NRG1: variants seen among roughly 807,000 people sequenced by gnomAD.
NRG1 encodes the protein neuregulin 1.
Under a neutral mutation model 63.8 loss-of-function variants are expected in NRG1, and 18 were observed. The observed-to-expected ratio is 0.28, with a 90% confidence interval of 0.19 to 0.42. NRG1 has a LOEUF of 0.42. Ranked by LOEUF, NRG1 falls within the 10% of genes least tolerant of loss-of-function variation. NRG1 has a pLI of 1.00. For synonymous variants in NRG1, 302 were observed against 301.3 expected (o/e 1.00, Z -0.02); for missense variants, 762 against 814.7 (o/e 0.94, Z 0.79).
chr8:32,733,205 G>A (rs746778029), intron 6 of NRG1, among the ~76,000 whole-genome samples: 6 of 152,038 alleles, frequency 3.9e-5, no homozygotes, highest in Non-Finnish European at 7.4e-5. Flanking sequence ...TTGACAGATC[G>A]TTTAATATTT....
chr8:32,074,565 A>T (rs1185667125), intron 1 of NRG1, among the ~76,000 whole-genome samples: 7 of 152,132 alleles, frequency 4.6e-5, no homozygotes, highest in Admixed American at 4.6e-4. Flanking sequence ...GTTCCTCAAG[A>T]TTCTTAGGGC....
intron 1 of NRG1, among the ~76,000 whole-genome samples, chr8:31,822,954 G>A (rs1006525713): frequency 1.3e-5 from 2 of 152,050 alleles, no homozygotes; most frequent in African/African-American, 4.8e-5. Context: ...ACAAATATTA[G>A]CTCTGACATT....
rs1277165244 is a variant in NRG1 at position 32,082,678 on chromosome 8, C to A, written c.37+443247C>A. 3.9e-5 allele frequency among the ~76,000 whole-genome samples: 6 copies of A among 152,092 alleles called. No individual in the cohort carries two copies. In the East Asian group the frequency reaches 1.2e-3, roughly 29 times the overall value. On this transcript the variant is annotated intron_variant, in intron 1 of 10. Coordinates refer to the NRG1 transcript ENST00000519301. ...TGGCAAGAACATTGCTGCTACCTGA[C>A]CTCATAGACATGCATTTGAACTCCT...
intron 5 of NRG1, among the ~76,000 whole-genome samples, chr8:32,723,036 CTT>C (rs1226317187): frequency 1.3e-5 from 2 of 152,044 alleles, no homozygotes; most frequent in African/African-American, 4.8e-5. Flanking sequence ...GGCAGAATTT[CTT>C]TTTTTACTTT....
At chr8:32,494,051 G>T (rs1378018152) in intron 1 of NRG1, among the ~76,000 whole-genome samples, 1 of 151,994 alleles carries the variant, frequency 6.6e-6, no homozygotes, top group Non-Finnish European at 1.5e-5. Context: ...TTGCTTGTTT[G>T]TTTGTAACAA....
intron 7 of NRG1, among the ~76,000 whole-genome samples, chr8:32,773,547 A>T (rs949966137): frequency 6.6e-6 from 1 of 152,120 alleles, no homozygotes; most frequent in African/African-American, 2.4e-5. Context: ...CTCCCTCCAC[A>T]TCTAATTGGT....
chr8:32,350,370 C>T (rs1209672280), intron 1 of NRG1, among the ~76,000 whole-genome samples: 1 of 152,136 alleles, frequency 6.6e-6, no homozygotes, highest in Non-Finnish European at 1.5e-5. Context: ...TCTATAAGTT[C>T]ATAATTCCTG....
chr8:32,095,336 C>CA (rs974764852), intron 1 of NRG1, among the ~76,000 whole-genome samples: 2 of 152,158 alleles, frequency 1.3e-5, no homozygotes, highest in Admixed American at 6.6e-5. Context: ...ATCATCTCGT[C>CA]AAGCAGAGTT....
intron 5 of NRG1, among the ~76,000 whole-genome samples, chr8:32,640,260 C>CACACACACAG (rs1852090992): frequency 6.6e-6 from 1 of 151,746 alleles, no homozygotes; most frequent in Non-Finnish European, 1.5e-5. Flanking sequence ...CACACACACA[C>CACACACACAG]ACACACACAC....
chr8:31,969,067 A>T (rs1806853264), intron 1 of NRG1, among the ~76,000 whole-genome samples: 1 of 152,214 alleles, frequency 6.6e-6, no homozygotes, highest in South Asian at 2.1e-4. Flanking sequence ...AGTTGATTGC[A>T]GCCCTTTATA....
chr8:32,626,740 G>A (rs1371662925), intron 5 of NRG1, among the ~76,000 whole-genome samples: 1 of 151,816 alleles, frequency 6.6e-6, no homozygotes, highest in African/African-American at 2.4e-5. Flanking sequence ...GAAAATTTTG[G>A]CCAGGTGTGG....
chr8:32,577,242 T>G (rs535528566), intron 1 of NRG1, among the ~76,000 whole-genome samples: 2 of 152,310 alleles, frequency 1.3e-5, no homozygotes, highest in East Asian at 3.9e-4. Flanking sequence ...CCTAGGTTGA[T>G]TCCATGTAAA....
At chr8:32,103,097 C>T (rs1435573650) in intron 1 of NRG1, among the ~76,000 whole-genome samples, 1 of 152,100 alleles carries the variant, frequency 6.6e-6, no homozygotes. Context: ...ATTATTTTGG[C>T]TATAGTCACA....
At chr8:32,264,045 C>G (rs1189475969) in intron 1 of NRG1, among the ~76,000 whole-genome samples, 3 of 152,096 alleles carry the variant, frequency 2.0e-5, no homozygotes, top group Non-Finnish European at 4.4e-5. Context: ...TGCCTGCTAT[C>G]TGGGAAGTTC....
intron 1 of NRG1, among the ~76,000 whole-genome samples, chr8:32,412,440 A>T (rs60683937): frequency 2.2e-5 from 1 of 44,982 alleles, no homozygotes; most frequent in Non-Finnish European, 5.3e-5. Context: ...ATATATATAT[A>T]TATATATATA....
At chr8:32,249,224 T>C (rs1236798416) in intron 1 of NRG1, among the ~76,000 whole-genome samples, 1 of 152,066 alleles carries the variant, frequency 6.6e-6, no homozygotes, top group East Asian at 1.9e-4. Context: ...GGTTGCAACT[T>C]CCATAGTAGC....
At chr8:32,709,346 A>G (rs1281354851) in intron 5 of NRG1, among the ~76,000 whole-genome samples, 2 of 152,148 alleles carry the variant, frequency 1.3e-5, no homozygotes, top group African/African-American at 2.4e-5. Flanking sequence ...GATTTCTTCC[A>G]TAGCTTTAAC....
chr8:32,336,293 G>T (rs938576269), intron 1 of NRG1, among the ~76,000 whole-genome samples: 3 of 152,168 alleles, frequency 2.0e-5, no homozygotes, highest in African/African-American at 7.2e-5. Context: ...TGACAAGGAA[G>T]ATCATTTCCA....
chr8:32,015,488 A>G (rs1815375643), intron 1 of NRG1, among the ~76,000 whole-genome samples: 1 of 152,134 alleles, frequency 6.6e-6, no homozygotes, highest in Admixed American at 6.6e-5. Flanking sequence ...TTCTACAGGC[A>G]GTGCTGAATT....
Sources: allele counts gnomAD v4.1 joint callset (sites outside exome capture counted in the v4.1 genomes callset), GRCh38; gene constraint gnomAD v4.1.1; transcripts MANE v1.5; gene names NCBI Gene and HGNC (gene_info 2026-07-23, HGNC 2026-07-21).